Variants in LAIR1 observed in about 807,000 individuals in gnomAD.
The protein encoded by LAIR1 is leukocyte associated immunoglobulin like receptor 1.
LAIR1 carries 24 observed loss-of-function variants against 32.8 expected under a neutral mutation model. That is an observed-to-expected ratio of 0.73 (90% CI 0.53 to 1.03). The LOEUF (loss-of-function observed/expected upper bound fraction) is 1.03, where lower values mean the gene tolerates loss of function less well. LAIR1 is among the 50% of genes least tolerant of loss of function. The pLI, the probability that LAIR1 is intolerant of heterozygous loss-of-function variation, is 0.00. For synonymous variants in LAIR1, 150 were observed against 140.5 expected (o/e 1.07, Z -0.48); for missense variants, 355 against 347.5 (o/e 1.02, Z -0.17).
rs1199283080 is a variant in LAIR1 at position 54,364,720 on chromosome 19, T to G, written c.34+51A>C. On this transcript the variant is annotated intron_variant, in intron 1 of 9. Transcript: ENST00000391742. The surrounding 1 kb of genome is among the most constrained non-coding windows in gnomAD (Gnocchi z 4.8). ...AGAGTCAGGCTTGAGCAGGGAATTT[T>G]CCAGACCTCCCGACCCCCTTTCCAG... 1 of 1,514,290 alleles carries G rather than the reference T, an allele frequency of 6.6e-7. No homozygotes were observed. The highest frequency in any genetic ancestry group is 1.7e-5 in the Admixed American group (1 of 58,334). The allele number at this position is 1,514,290 out of a possible 1,614,324, so 93.8% of individuals were successfully genotyped here.
intron 2 of LAIR1, among the ~76,000 whole-genome samples, chr19:54,363,407 G>A (rs866854084): frequency 1.4e-4 from 21 of 151,998 alleles, no homozygotes; most frequent in African/African-American, 4.6e-4. Context: ...GTGTGGGCTC[G>A]TCTGGGGAAA....
At chr19:54,361,263 C>T (rs758685083) in intron 2 of LAIR1, 54 bp from the exon 3 acceptor site, 1 of 1,567,112 alleles carries the variant, frequency 6.4e-7, no homozygotes, top group Admixed American at 1.7e-5. Flanking sequence ...GTCACCATGC[C>T]ACACACGTCA....
chr19:54,370,321 T>C, exon 1 of LAIR1: 4 of 1,533,748 alleles, frequency 2.6e-6, no homozygotes, highest in Middle Eastern at 1.7e-4. Flanking sequence ...CTCAGGACGA[T>C]GATCATCTTC....
chr19:54,352,065 G>C lies in LAIR1; in HGVS notation c.*3203C>G, dbSNP rs114229478. 1 of 152,186 alleles carries C rather than the reference G, an allele frequency of 6.6e-6. No individual in the cohort carries two copies. The highest frequency in any genetic ancestry group is 1.5e-5 in the Non-Finnish European group (1 of 68,060). 9.4% of individuals were successfully genotyped at this position (152,186 alleles called of 1,614,324 possible). A position where few individuals can be genotyped will look rare whatever the true frequency, so the allele number is the denominator to read the frequency against. On this transcript the variant is annotated 3_prime_UTR_variant, in exon 10 of 10. Transcript: ENST00000391742. ...TTACTCTGCTTTGATAAAGGTCACCGGGTAATCTTTCTCTCAACGCCTTGC... is the reference window on the plus strand; with the variant it reads ...TTACTCTGCTTTGATAAAGGTCACCCGGTAATCTTTCTCTCAACGCCTTGC...
upstream of LAIR1, among the ~76,000 whole-genome samples, chr19:54,366,514 A>G (rs535210832): frequency 6.6e-6 from 1 of 152,030 alleles, no homozygotes; most frequent in South Asian, 2.1e-4. Context: ...TTTTAAACGG[A>G]GTCTCGCTCT....
chr19:54,365,697 G>A (rs541750542), upstream of LAIR1, among the ~76,000 whole-genome samples: 16 of 151,826 alleles, frequency 1.1e-4, no homozygotes, highest in South Asian at 1.5e-3. Flanking sequence ...CAGGAGAATC[G>A]CTTGAACCCA....
At position 54,356,996 on chromosome 19, in the gene LAIR1, G is replaced by T. The variant is rs1312865403; in HGVS notation, c.416-30C>A. ...GAGGGAGGAATCAGAAGGAGGAGGA[G>T]TTAGAGTCCTGAGCTGGACAGAGAA... On this transcript the variant is annotated intron_variant, in intron 4 of 9. Transcript: ENST00000391742. 1.9e-6 allele frequency: 3 copies of T among 1,609,740 alleles called. No individual in the cohort carries two copies. In the South Asian group the frequency reaches 3.3e-5, roughly 18 times the overall value.
At chr19:54,370,271 T>C in exon 1 of LAIR1, 8 of 1,543,404 alleles carry the variant, frequency 5.2e-6, no homozygotes, top group Non-Finnish European at 7.0e-6. Context: ...CCCATTTCTC[T>C]TTCCATCTTC....
At chr19:54,373,040 G>A (rs1403765964), upstream of LAIR1, among the ~76,000 whole-genome samples, 5 of 149,918 alleles carry the variant, frequency 3.3e-5, no homozygotes, top group Non-Finnish European at 7.4e-5. Context: ...TGAGAGGCAG[G>A]AGAATTGCTT....
Position 54,353,664 on chromosome 19 carries a change from G to C in LAIR1, c.*1604C>G, listed in dbSNP as rs2081580956. ...AATTTAATGTGTCCACGTTTGCCTA[G>C]AACTAAATTAGCAACTGCCCCATAG... On this transcript the variant is annotated 3_prime_UTR_variant, in exon 10 of 10. Transcript: ENST00000391742. 2 of 152,152 alleles carry C rather than the reference G, an allele frequency of 1.3e-5. No individual in the cohort carries two copies. The highest frequency in any genetic ancestry group is 2.9e-5 in the Non-Finnish European group (2 of 68,034). 9.4% of individuals were successfully genotyped at this position (152,152 alleles called of 1,614,324 possible).
upstream of LAIR1, among the ~76,000 whole-genome samples, chr19:54,374,649 A>G (rs1273199103): frequency 6.6e-6 from 1 of 152,106 alleles, no homozygotes; most frequent in Non-Finnish European, 1.5e-5. Flanking sequence ...TTTAACTTCA[A>G]GATCATCTTC....
At chr19:54,372,111 C>A (rs2082419586), upstream of LAIR1, among the ~76,000 whole-genome samples, 8 of 151,648 alleles carry the variant, frequency 5.3e-5, no homozygotes, top group Admixed American at 5.2e-4. Flanking sequence ...ATCCATATGA[C>A]CGTATGTTTT....
upstream of LAIR1, among the ~76,000 whole-genome samples, chr19:54,369,237 G>A (rs1433695743): frequency 2.6e-5 from 4 of 151,372 alleles, 2 homozygotes; most frequent in African/African-American, 9.8e-5. Flanking sequence ...ATCCAATGCA[G>A]GGGCACCGTC....
chr19:54,366,175 G>A (rs143530097), upstream of LAIR1, among the ~76,000 whole-genome samples: 133 of 152,212 alleles, frequency 8.7e-4, 2 homozygotes, highest in Middle Eastern at 3.4e-3. Flanking sequence ...CACCACATAC[G>A]ACCCATCGTC....
rs746249343 is a variant in LAIR1 at position 54,355,292 on chromosome 19, C to A, written c.840G>T (p.Thr280=). 1 of 1,610,524 alleles carries A rather than the reference C, an allele frequency of 6.2e-7. No individual in the cohort carries two copies. Among genetic ancestry groups the A allele is most frequent in the Non-Finnish European group, 8.5e-7 (1 of 1,178,240 alleles). The change falls in exon 10 of 10, where the codon ACG becomes ACT. Residue 280 remains threonine, a synonymous_variant. Coordinates refer to ENST00000391742, the MANE Select transcript of LAIR1 (RefSeq NM_002287.6). This position sits in a 1 kb window ranked among gnomAD's most constrained non-coding sequence, Gnocchi z 4.7. ...GTCAGTGTCTGGCAACGGCTGCATA[C>A]GTGATGGACTCGGCCATGGGCTTTG... ...QSTKPMAESI[T]YAAVARH is the part of the protein sequence containing the mutation.
At chr19:54,357,059 C>A in intron 4 of LAIR1, 93 bp from the exon 5 acceptor site, 1 of 1,220,116 alleles carries the variant, frequency 8.2e-7, no homozygotes. Context: ...GGGGATCTCC[C>A]TTCACTCCCC....
At chr19:54,359,308 G>A (rs2081890839) in intron 4 of LAIR1, among the ~76,000 whole-genome samples, 1 of 151,816 alleles carries the variant, frequency 6.6e-6, no homozygotes, top group African/African-American at 2.4e-5. Flanking sequence ...ATCACAGGGG[G>A]AGATGGACAA....
the LAIR1 span, among the ~76,000 whole-genome samples, chr19:54,375,762 A>G: frequency 6.6e-6 from 1 of 151,788 alleles, no homozygotes; most frequent in Non-Finnish European, 1.5e-5. Flanking sequence ...CCAGGCGCCT[A>G]TTAAGGGCTT....
chr19:54,367,373 T>C (rs182807871), upstream of LAIR1, among the ~76,000 whole-genome samples: 86 of 152,248 alleles, frequency 5.6e-4, no homozygotes, highest in Admixed American at 9.8e-4. Context: ...CTAATCCAAT[T>C]TTCTGTGAGT....
Sources: allele counts gnomAD v4.1 joint callset (sites outside exome capture counted in the v4.1 genomes callset), GRCh38; gene constraint gnomAD v4.1.1; non-coding constraint Gnocchi (gnomAD v3.1); transcripts MANE v1.5; gene names NCBI Gene and HGNC (gene_info 2026-07-23, HGNC 2026-07-21).